TMTC2: variants seen among roughly 807,000 people sequenced by gnomAD.
TMTC2 encodes transmembrane O-mannosyltransferase targeting cadherins 2.
A neutral mutation model predicts 82.4 loss-of-function variants in TMTC2; 43 were observed. That is an observed-to-expected ratio of 0.52 (90% CI 0.41 to 0.67). TMTC2 has a LOEUF of 0.67. Ranked by LOEUF, TMTC2 falls within the 30% of genes least tolerant of loss-of-function variation. The pLI is 0.00. For synonymous variants in TMTC2, 408 were observed against 381.9 expected, an observed-to-expected ratio of 1.07 and a Z score of -0.80; for missense variants, 919 against 1,012.4, an observed-to-expected ratio of 0.91 and a Z score of 1.25.
At chr12:82,858,140 T>C (rs1039306647) in intron 2 of TMTC2, among the ~76,000 whole-genome samples, 4 of 152,208 alleles carry the variant, frequency 2.6e-5, no homozygotes, top group African/African-American at 7.2e-5. Context: ...ATGGTTATTA[T>C]TGAGTTTCTC....
chr12:83,008,451 C>T (rs1880303557), intron 8 of TMTC2, among the ~76,000 whole-genome samples: 1 of 152,176 alleles, frequency 6.6e-6, no homozygotes, highest in African/African-American at 2.4e-5. Context: ...CTTAGCCATC[C>T]TGGGTCTTCT....
intron 2 of TMTC2, among the ~76,000 whole-genome samples, chr12:82,889,924 A>C (rs1873311675): frequency 6.6e-6 from 1 of 151,924 alleles, no homozygotes; most frequent in Non-Finnish European, 1.5e-5. Context: ...AACAATGCTA[A>C]GTATCCTTGT....
intron 3 of TMTC2, among the ~76,000 whole-genome samples, chr12:82,902,784 G>A (rs908055616): frequency 7.2e-5 from 11 of 152,214 alleles, no homozygotes; most frequent in Middle Eastern, 3.4e-3. Context: ...TGGGTGATAG[G>A]TTCAGTTGTG....
chr12:83,125,430 C>T (rs1885073329), intron 11 of TMTC2, among the ~76,000 whole-genome samples: 1 of 152,030 alleles, frequency 6.6e-6, no homozygotes. Flanking sequence ...TTATTTTGTA[C>T]AAATGTTAAG....
chr12:82,951,987 A>G (rs1877372624), intron 4 of TMTC2, among the ~76,000 whole-genome samples: 1 of 152,202 alleles, frequency 6.6e-6, no homozygotes, highest in African/African-American at 2.4e-5. Context: ...TCGAATACAA[A>G]GTCTGCTATC....
At chr12:82,867,799 T>A (rs753213482) in intron 2 of TMTC2, among the ~76,000 whole-genome samples, 14 of 152,212 alleles carry the variant, frequency 9.2e-5, no homozygotes, top group Non-Finnish European at 1.9e-4. Flanking sequence ...ATCCACTATA[T>A]GTAGTCTCTT....
At chr12:82,723,894 C>T (rs1463118206) in intron 1 of TMTC2, among the ~76,000 whole-genome samples, 4 of 152,198 alleles carry the variant, frequency 2.6e-5, no homozygotes, top group African/African-American at 9.7e-5. Context: ...TAAAGAACCA[C>T]CTGAGTTCCA....
At chr12:82,937,784 A>ATATACATATATG (rs1876451464) in intron 4 of TMTC2, among the ~76,000 whole-genome samples, 1 of 24,224 alleles carries the variant, frequency 4.1e-5, no homozygotes, top group African/African-American at 1.2e-4. Flanking sequence ...ATATATATAT[A>ATATACATATATG]TATATATATA....
chr12:82,985,446 C>G (rs1001247855), intron 7 of TMTC2, among the ~76,000 whole-genome samples: 8 of 152,170 alleles, frequency 5.3e-5, no homozygotes. Context: ...CTTTCAATTA[C>G]TCTTTCTCAA....
intron 11 of TMTC2, among the ~76,000 whole-genome samples, chr12:83,118,891 T>C (rs1884856732): frequency 6.6e-6 from 1 of 152,206 alleles, no homozygotes; most frequent in Admixed American, 6.5e-5. Flanking sequence ...AGGAGAGCTG[T>C]ATCTTTCCAG....
chr12:82,993,603 A>G (rs1215671877), intron 8 of TMTC2, among the ~76,000 whole-genome samples: 2 of 152,186 alleles, frequency 1.3e-5, no homozygotes, highest in Non-Finnish European at 2.9e-5. Context: ...ACACAAACAC[A>G]GGCTATTATT....
At chr12:83,088,534 A>G (rs538648765) in intron 11 of TMTC2, among the ~76,000 whole-genome samples, 1 of 152,316 alleles carries the variant, frequency 6.6e-6, no homozygotes, top group East Asian at 1.9e-4. Flanking sequence ...CTTAGAGACC[A>G]AAAGAGGATT....
chr12:83,105,314 G>C (rs1385266603), intron 11 of TMTC2, among the ~76,000 whole-genome samples: 1 of 152,050 alleles, frequency 6.6e-6, no homozygotes, highest in African/African-American at 2.4e-5. Flanking sequence ...CTTTATAGCA[G>C]TGCCCCATTC....
intron 10 of TMTC2, among the ~76,000 whole-genome samples, chr12:83,058,964 T>C (rs1882641779): frequency 6.6e-6 from 1 of 151,838 alleles, no homozygotes; most frequent in Admixed American, 6.6e-5. Context: ...ATAATAATAA[T>C]TGCTTCATGG....
At chr12:83,020,020 C>T (rs1421424342) in intron 8 of TMTC2, among the ~76,000 whole-genome samples, 1 of 152,168 alleles carries the variant, frequency 6.6e-6, no homozygotes, top group Admixed American at 6.5e-5. Context: ...TGTGCCTCTA[C>T]TTAGAATACT....
chr12:82,968,744 G>A (rs1477672078), intron 7 of TMTC2, among the ~76,000 whole-genome samples: 1 of 152,134 alleles, frequency 6.6e-6, no homozygotes, highest in African/African-American at 2.4e-5. Context: ...CTTGGGATCT[G>A]TCTCTCATAT....
At chr12:82,714,576 TCCTGGAA>T (rs1420937268) in intron 1 of TMTC2, among the ~76,000 whole-genome samples, 1 of 152,186 alleles carries the variant, frequency 6.6e-6, no homozygotes, top group Non-Finnish European at 1.5e-5. Flanking sequence ...TCCTGTTACT[TCCTGGAA>T]CCTGCTGTTC....
chr12:83,092,463 G>A (rs1046548837), intron 11 of TMTC2, among the ~76,000 whole-genome samples: 1 of 152,136 alleles, frequency 6.6e-6, no homozygotes, highest in African/African-American at 2.4e-5. Context: ...CGTTTCATTG[G>A]TGAGAATATA....
At chr12:82,713,541 G>A (rs893765343) in intron 1 of TMTC2, among the ~76,000 whole-genome samples, 5 of 152,132 alleles carry the variant, frequency 3.3e-5, no homozygotes, top group Non-Finnish European at 7.4e-5. Flanking sequence ...CGTCTTATAT[G>A]GATGGCAGAA....
Sources: allele counts gnomAD v4.1 joint callset (sites outside exome capture counted in the v4.1 genomes callset), GRCh38; gene constraint gnomAD v4.1.1; transcripts MANE v1.5; gene names NCBI Gene and HGNC (gene_info 2026-07-23, HGNC 2026-07-21).